Variants in NRXN3 observed in about 807,000 individuals in gnomAD.
NRXN3 encodes neurexin 3, also known as neurexin III.
In NRXN3, 32 loss-of-function variants were observed where a neutral mutation model predicts 137.6. That is an observed-to-expected ratio of 0.23 (90% confidence interval 0.18 to 0.31). The LOEUF is 0.31. NRXN3 is among the 10% of genes least tolerant of loss of function. The pLI is 1.00. For synonymous variants in NRXN3, 798 were observed against 784.5 expected (o/e 1.02, Z -0.29); for missense variants, 1,574 against 2,062.5 (o/e 0.76, Z 4.59).
At chr14:78,494,193 C>A (rs1281532933) in intron 4 of NRXN3, among the ~76,000 whole-genome samples, 1 of 152,174 alleles carries the variant, frequency 6.6e-6, no homozygotes, top group Non-Finnish European at 1.5e-5. Flanking sequence ...TTAAAACCAA[C>A]CTTCGTGGAG....
rs531672140 is a variant in NRXN3, at chr14:78,286,836, G to A, written c.727+8174G>A. On this transcript the variant is annotated intron_variant, in intron 3 of 20. Coordinates refer to ENST00000335750, the MANE Select transcript of NRXN3 (RefSeq NM_001330195.2). ...ATTCCATGTGTGGTTACATGTGACTGTCACAGTGATTCTGAAAGGATATTT... is the reference window on the plus strand; with the variant it reads ...ATTCCATGTGTGGTTACATGTGACTATCACAGTGATTCTGAAAGGATATTT... 1.6e-4 allele frequency among the ~76,000 whole-genome samples: 25 copies of A among 152,338 alleles called. No individual in the cohort carries two copies. In the South Asian group the frequency reaches 5.2e-3, roughly 32 times the overall value.
intron 14 of NRXN3, among the ~76,000 whole-genome samples, chr14:78,968,589 T>A (rs1451494162): frequency 6.6e-6 from 1 of 152,126 alleles, no homozygotes; most frequent in Non-Finnish European, 1.5e-5. Context: ...CCAATAAAAA[T>A]AAAATAAAAT....
intron 4 of NRXN3, among the ~76,000 whole-genome samples, chr14:78,411,531 A>G (rs2092827571): frequency 6.6e-6 from 1 of 152,164 alleles, no homozygotes; most frequent in African/African-American, 2.4e-5. Flanking sequence ...AATTTGAGAC[A>G]ATTCCTAGAA....
intron 10 of NRXN3, among the ~76,000 whole-genome samples, chr14:78,840,418 T>G (rs1351058963): frequency 6.6e-6 from 1 of 152,122 alleles, no homozygotes; most frequent in Non-Finnish European, 1.5e-5. Context: ...CTGAAAGCAT[T>G]TATATTACTT....
chr14:79,519,351 G>A (rs1273087565), intron 16 of NRXN3, among the ~76,000 whole-genome samples: 2 of 151,160 alleles, frequency 1.3e-5, no homozygotes, highest in African/African-American at 4.9e-5. Flanking sequence ...TAATTTTTTT[G>A]TAACAGAAAC....
intron 16 of NRXN3, among the ~76,000 whole-genome samples, chr14:79,544,177 C>G (rs997902234): frequency 1.3e-5 from 2 of 152,202 alleles, no homozygotes; most frequent in Admixed American, 1.3e-4. Flanking sequence ...GCTGAGCTTT[C>G]GATTCTGTCA....
chr14:79,853,974 A>ATT, intron 20 of NRXN3: 1 of 945,956 alleles, frequency 1.1e-6, no homozygotes, highest in Non-Finnish European at 1.3e-6. Context: ...TAAAGTGCAG[A>ATT]TTTTTTTTTT....
chr14:78,630,067 C>G (rs2097505244), intron 4 of NRXN3, among the ~76,000 whole-genome samples: 1 of 152,130 alleles, frequency 6.6e-6, no homozygotes. Flanking sequence ...AATGACCAGC[C>G]TTCCTGGTTT....
At chr14:79,587,918 A>C (rs764294270) in intron 16 of NRXN3, among the ~76,000 whole-genome samples, 9 of 152,214 alleles carry the variant, frequency 5.9e-5, no homozygotes, top group Admixed American at 1.3e-4. Context: ...TTATATTTGC[A>C]TTTGACTTAT....
At chr14:78,762,011 T>A (rs2098693987) in intron 8 of NRXN3, among the ~76,000 whole-genome samples, 1 of 152,226 alleles carries the variant, frequency 6.6e-6, no homozygotes, top group Admixed American at 6.5e-5. Context: ...TCAGATGGAT[T>A]CATTTACTCA....
In NRXN3 at chr14:78,495,476, A is replaced by G. The variant is rs866286593; in HGVS notation, c.758-149644A>G. Among the ~76,000 whole-genome samples, 4 of 152,280 alleles carry G rather than the reference A, an allele frequency of 2.6e-5. No homozygotes were observed. The South Asian group carries it at 8.3e-4, about 32-fold the overall frequency. On this transcript the variant is annotated intron_variant, in intron 4 of 20. Coordinates refer to ENST00000335750, the MANE Select transcript of NRXN3 (RefSeq NM_001330195.2). The stretch of plus-strand genomic sequence containing the variant: ...AATTGAGGTAGCATTGGTTGAACAC[A>G]CACTATGTGCCAGGCTTTACACTAA...
chr14:78,925,659 C>G (rs1464394660), intron 10 of NRXN3, among the ~76,000 whole-genome samples: 3 of 152,074 alleles, frequency 2.0e-5, no homozygotes, highest in Admixed American at 6.6e-5. Context: ...CTTGAATGAC[C>G]TCCAGGATTT....
Position 79,535,614 on chromosome 14 carries a change from G to A in NRXN3, c.3444+68212G>A, listed in dbSNP as rs147788487. Among the ~76,000 whole-genome samples the A allele has an allele frequency of 5.9e-4, 90 of 151,974 alleles. 1 individual carries two copies. Among genetic ancestry groups the A allele is most frequent in the African/African-American group, 2.1e-3 (89 of 41,444 alleles). On this transcript the variant is annotated intron_variant, in intron 16 of 20. Transcript: ENST00000335750. ...ATTATATTAATACCTGTTATACATT[G>A]AGCACATGCTATATACCAGGCATTC...
chr14:79,571,885 T>C (rs1199229049), intron 16 of NRXN3, among the ~76,000 whole-genome samples: 1 of 152,152 alleles, frequency 6.6e-6, no homozygotes, highest in Non-Finnish European at 1.5e-5. Context: ...TTAACAAAAA[T>C]ATAGTCTACT....
chr14:78,232,413 T>C (rs1396670182), intron 1 of NRXN3, among the ~76,000 whole-genome samples: 1 of 152,082 alleles, frequency 6.6e-6, no homozygotes, highest in African/African-American at 2.4e-5. Flanking sequence ...TTCTCTTGTC[T>C]GCGCCTCTCT....
intron 14 of NRXN3, among the ~76,000 whole-genome samples, chr14:78,985,327 T>G (rs976442120): frequency 1.3e-5 from 2 of 152,212 alleles, no homozygotes; most frequent in African/African-American, 4.8e-5. Context: ...GCTTTCAAAC[T>G]TTTGATGATA....
rs56716105 is a variant in NRXN3, at chr14:79,250,867, C to T, written c.3263-216354C>T. Among the ~76,000 whole-genome samples, 900 of 152,226 alleles carry T rather than the reference C, an allele frequency of 5.9e-3. 13 individuals are homozygous for T. The highest frequency in any genetic ancestry group is 0.021 in the African/African-American group (862 of 41,544). On this transcript the variant is annotated intron_variant, in intron 15 of 20. Transcript: ENST00000335750. ...TTTGAATATCTGATAGACAACATGA[C>T]TTAAAAGAAAGAATCATTTTATTTA...
chr14:79,021,654 C>T lies in NRXN3; in HGVS notation c.3262+33513C>T, dbSNP rs2099589860. ...AATACTAGATTGAATGTAATAAGTA[C>T]CATCAGAAGTGGCCCAAACTGTGGT... On this transcript the variant is annotated intron_variant, in intron 15 of 20. Transcript: ENST00000335750. Among the ~76,000 whole-genome samples the T allele has an allele frequency of 3.3e-5, 5 of 152,176 alleles. No individual in the cohort carries two copies. In the South Asian group the frequency reaches 1.0e-3, roughly 32 times the overall value.
At chr14:78,456,647 G>C (rs997298417) in intron 4 of NRXN3, among the ~76,000 whole-genome samples, 2 of 151,648 alleles carry the variant, frequency 1.3e-5, no homozygotes, top group African/African-American at 4.9e-5. Flanking sequence ...TTCTTCCACT[G>C]TCCTAAATCT....
Sources: allele counts gnomAD v4.1 joint callset (sites outside exome capture counted in the v4.1 genomes callset), GRCh38; gene constraint gnomAD v4.1.1; transcripts MANE v1.5; gene names NCBI Gene and HGNC (gene_info 2026-07-23, HGNC 2026-07-21).